The following TNFSF18 variants were observed in gnomAD, a reference collection of about 807,000 sequenced individuals.
TNFSF18 encodes the protein TNF superfamily member 18.
A neutral mutation model predicts 9.6 loss-of-function variants in TNFSF18; 6 were observed. The observed-to-expected ratio is 0.63, with a 90% CI of 0.34 to 1.24. The LOEUF is 1.24. Ranked by LOEUF, TNFSF18 falls within the 50% of genes most tolerant of loss-of-function variation. TNFSF18 has a pLI of 0.03. For missense variants in TNFSF18, 210 were observed against 201.0 expected, an observed-to-expected ratio of 1.04 and a Z score of -0.27; for synonymous variants, 68 against 71.7, an observed-to-expected ratio of 0.95 and a Z score of 0.26.
chr1:173,046,413 C>T (rs2101927702), intron 1 of TNFSF18, among the ~76,000 whole-genome samples: 1 of 152,202 alleles, frequency 6.6e-6, no homozygotes, highest in African/African-American at 2.4e-5. Flanking sequence ...TGTGTTCTTC[C>T]ATTTTAATCT....
At chr1:173,044,822 C>A (rs1254613535) in intron 1 of TNFSF18, among the ~76,000 whole-genome samples, 2 of 152,162 alleles carry the variant, frequency 1.3e-5, no homozygotes, top group East Asian at 3.8e-4. Flanking sequence ...TCATTACAGT[C>A]ATTCATCTAG....
chr1:173,046,750 A>C (rs2101927837), intron 1 of TNFSF18, among the ~76,000 whole-genome samples: 2 of 152,290 alleles, frequency 1.3e-5, no homozygotes, highest in African/African-American at 4.8e-5. Context: ...ACTTGTATAT[A>C]GTATAATAAT....
intron 2 of TNFSF18, among the ~76,000 whole-genome samples, chr1:173,042,947 G>T (rs147230655): frequency 5.9e-5 from 9 of 152,082 alleles, no homozygotes; most frequent in African/African-American, 1.7e-4. Flanking sequence ...ACCCAGTATC[G>T]CCAATGAGCT....
rs774617059 is a variant in TNFSF18 at position 173,041,753 on chromosome 1, G to A, written c.188-40C>T. The A allele has an allele frequency of 3.4e-6, 5 of 1,481,242 alleles. No individual in the cohort carries two copies. In the Admixed American group the frequency reaches 8.9e-5, roughly 26 times the overall value. The allele number at this position is 1,481,242 out of a possible 1,614,324, so 91.8% of individuals were successfully genotyped here. On this transcript the variant is annotated intron_variant, in intron 2 of 2. Transcript: ENST00000404377. ...CAAGGATAAAAAAGATGAAAGCATA[G>A]TTATTTCATTATTTCATCCTTTTCC...
Position 173,041,633 on chromosome 1 carries a change from G to A in TNFSF18, c.268C>T (p.Leu90Phe). 2 of 1,613,512 alleles carry A rather than the reference G, an allele frequency of 1.2e-6. No homozygotes were observed. The highest frequency in any genetic ancestry group is 2.2e-5 in the East Asian group (1 of 44,888). Reference protein sequence around the residue: ...NKVSDWKLEILQNGLYLIYGQ... With the variant: ...NKVSDWKLEIFQNGLYLIYGQ... ...TAAATTAAATATAAGCCATTCTGAA[G>A]TATCTCCAGCTTCCAGTCAGACACC... The change falls in exon 3 of 3, where the codon CTT becomes TTT. Residue 90 changes from leucine (L) to phenylalanine (F), a missense_variant. Physicochemically the swap from Leu to Phe is conservative, Grantham distance 22. Coordinates refer to ENST00000404377, the MANE Select transcript of TNFSF18 (RefSeq NM_005092.4).
At chr1:173,046,638 A>G (rs950275917) in intron 1 of TNFSF18, among the ~76,000 whole-genome samples, 2 of 152,146 alleles carry the variant, frequency 1.3e-5, no homozygotes, top group African/African-American at 4.8e-5. Context: ...TTTTGGTGAA[A>G]GCAAAATGGT....
chr1:173,044,509 GTTTCAGAC>G (rs1045752645), intron 1 of TNFSF18, among the ~76,000 whole-genome samples: 2 of 152,124 alleles, frequency 1.3e-5, no homozygotes, highest in African/African-American at 2.4e-5. Flanking sequence ...ACAGTTCCAA[GTTTCAGAC>G]TACTGCAATG....
rs755957110 is a variant in TNFSF18 at position 173,050,723 on chromosome 1, G to A, written c.156+18C>T. On this transcript the variant is annotated intron_variant, in intron 1 of 2. Coordinates refer to ENST00000404377, the MANE Select transcript of TNFSF18 (RefSeq NM_005092.4). ...GGATTATAGCAAATAGTAACCTTAGGTACAATTGCCTCCTTACCTCTAATT... is the reference window on the plus strand; with the variant it reads ...GGATTATAGCAAATAGTAACCTTAGATACAATTGCCTCCTTACCTCTAATT... 4 of 1,515,938 alleles carry A rather than the reference G, an allele frequency of 2.6e-6. No homozygotes were observed. The highest frequency in any genetic ancestry group is 4.6e-5 in the East Asian group (2 of 43,484). The allele number at this position is 1,515,938 out of a possible 1,614,324, so 93.9% of individuals were successfully genotyped here. A position where few individuals can be genotyped will look rare whatever the true frequency, so the allele number is the denominator to read the frequency against.
intron 1 of TNFSF18, among the ~76,000 whole-genome samples, chr1:173,044,799 A>G (rs942196422): frequency 6.6e-6 from 1 of 152,180 alleles, no homozygotes; most frequent in African/African-American, 2.4e-5. Context: ...ATGTAGTGAG[A>G]CTAGCTAAGA....
At position 173,040,916 on chromosome 1, in the gene TNFSF18, C is replaced by T. The variant is rs560072961; in HGVS notation, c.*451G>A. 6.5e-6 allele frequency: 1 copy of T among 154,086 alleles called. No homozygotes were observed. The highest frequency in any genetic ancestry group is 1.9e-4 in the East Asian group (1 of 5,210). The allele number at this position is 154,086 out of a possible 1,614,324, so 9.5% of individuals were successfully genotyped here. A position where few individuals can be genotyped will look rare whatever the true frequency, so the allele number is the denominator to read the frequency against. ...GTAGGCATATCTGTGGCCATCCTAT[C>T]AGTCTACTTTTTATTGGGAGGGTCT... On this transcript the variant is annotated 3_prime_UTR_variant, in exon 3 of 3. Transcript: ENST00000404377.
rs1664964818 is a variant in TNFSF18, at chr1:173,040,044, A to G, written c.*1323T>C. ...TTAAATTTGTTTACAATGTAATATT[A>G]TATACCTTTCAACAAGAACCTGCAA... On this transcript the variant is annotated 3_prime_UTR_variant, in exon 3 of 3. Coordinates refer to ENST00000404377, the MANE Select transcript of TNFSF18 (RefSeq NM_005092.4). 6.6e-6 allele frequency: 1 copy of G among 152,120 alleles called. No individual in the cohort carries two copies. The highest frequency in any genetic ancestry group is 6.6e-5 in the Admixed American group (1 of 15,262). 9.4% of individuals were successfully genotyped at this position (152,120 alleles called of 1,614,324 possible).
intron 1 of TNFSF18, 78 bp from the exon 2 acceptor site, chr1:173,044,047 T>TA: frequency 7.4e-7 from 1 of 1,349,960 alleles, no homozygotes. Context: ...ATTTAGAGCT[T>TA]TGAATTCCTG....
Position 173,041,150 on chromosome 1 carries a change from A to G in TNFSF18, c.*217T>C, listed in dbSNP as rs41264558. 3,039 of 438,162 alleles carry G rather than the reference A, an allele frequency of 6.9e-3. 28 individuals carry two copies. The highest frequency in any genetic ancestry group is 0.011 in the Admixed American group (271 of 25,356). 27.1% of individuals were successfully genotyped at this position (438,162 alleles called of 1,614,324 possible). On this transcript the variant is annotated 3_prime_UTR_variant, in exon 3 of 3. Transcript: ENST00000404377. ...ATCCATATTTGTTTTATCATGGATT[A>G]ATGAAGTATCTCTGCAGATCCAACC...
At chr1:173,047,783 C>T (rs964871557) in intron 1 of TNFSF18, among the ~76,000 whole-genome samples, 2 of 152,034 alleles carry the variant, frequency 1.3e-5, no homozygotes, top group Non-Finnish European at 2.9e-5. Context: ...GTCTATTTAG[C>T]GCTACAGAGA....
At position 173,050,804 on chromosome 1, in the gene TNFSF18, T is replaced by C. The variant is rs768062878; in HGVS notation, c.93A>G (p.Ser31=). 6.2e-7 allele frequency: 1 copy of C among 1,613,374 alleles called. No homozygotes were observed. Among genetic ancestry groups the C allele is most frequent in the Non-Finnish European group, 8.5e-7 (1 of 1,179,630 alleles). ...RSSWKLWLFC[S]IVMLLFLCSF... ...AGCAAAGAAATAGCAACATAACTAT[T>C]GAGCAAAAGAGCCACAGCTTCCAGG... is the stretch of plus-strand genomic sequence containing the variant. Residue 31 remains serine, a synonymous_variant, in exon 1 of 3, where the codon TCA becomes TCG. Coordinates refer to ENST00000404377, the MANE Select transcript of TNFSF18 (RefSeq NM_005092.4).
intron 1 of TNFSF18, among the ~76,000 whole-genome samples, chr1:173,045,712 T>A (rs1324992381): frequency 6.6e-6 from 1 of 152,194 alleles, no homozygotes; most frequent in Non-Finnish European, 1.5e-5. Context: ...TTCCATTTGA[T>A]GGAAATGTTT....
At chr1:173,047,624 G>A (rs1037602566) in intron 1 of TNFSF18, among the ~76,000 whole-genome samples, 9 of 152,154 alleles carry the variant, frequency 5.9e-5, no homozygotes, top group Non-Finnish European at 1.3e-4. Flanking sequence ...AAATATGAAT[G>A]AGTGCCAAAA....
intron 1 of TNFSF18, among the ~76,000 whole-genome samples, chr1:173,045,784 T>C (rs1400878837): frequency 6.6e-6 from 1 of 152,130 alleles, no homozygotes; most frequent in African/African-American, 2.4e-5. Context: ...GCAATGTCCC[T>C]GAGTAGGCAA....
chr1:173,039,739 T>TACACACAC lies in TNFSF18; in HGVS notation c.*1620_*1627dup, dbSNP rs562779540. Among the ~76,000 whole-genome samples, 33 of 146,526 alleles carry TACACACAC rather than the reference T, an allele frequency of 2.3e-4. No individual in the cohort carries two copies. Among genetic ancestry groups the TACACACAC allele is most frequent in the African/African-American group, 7.7e-4 (31 of 40,206 alleles). On this transcript the variant is annotated 3_prime_UTR_variant, in exon 3 of 3. Transcript: ENST00000404377. ...ATACATATATATACACACACACATA[T>TACACACAC]ACACACACACACACACACACACACA...
Sources: allele counts gnomAD v4.1 joint callset (sites outside exome capture counted in the v4.1 genomes callset), GRCh38; gene constraint gnomAD v4.1.1; transcripts MANE v1.5; gene names NCBI Gene and HGNC (gene_info 2026-07-23, HGNC 2026-07-21).